Variants in STAM2 observed in about 807,000 individuals in gnomAD.
The protein encoded by STAM2 is signal transducing adapter molecule 2.
A neutral mutation model predicts 65.6 loss-of-function variants in STAM2; 51 were observed. The observed-to-expected ratio is 0.78, with a 90% confidence interval of 0.62 to 0.98. STAM2 has a LOEUF of 0.98. Among genes scored for constraint, STAM2 ranks in the 50% least tolerant of loss-of-function variants. STAM2 has a pLI of 0.00. For synonymous variants in STAM2, 198 were observed against 208.4 expected (o/e 0.95, Z 0.43); for missense variants, 584 against 617.8 (o/e 0.95, Z 0.58).
intron 1 of STAM2, among the ~76,000 whole-genome samples, chr2:152,171,164 A>G (rs1689892241): frequency 6.6e-6 from 1 of 152,214 alleles, no homozygotes; most frequent in Admixed American, 6.5e-5. Context: ...AGAAAGGAGG[A>G]AGAATGGGAT....
chr2:152,173,657 A>G (rs956719161), intron 1 of STAM2, among the ~76,000 whole-genome samples: 1 of 152,130 alleles, frequency 6.6e-6, no homozygotes, highest in Non-Finnish European at 1.5e-5. Context: ...TCGGCCTCCC[A>G]AAGTGCTGGG....
chr2:152,158,059 A>G (rs1689585197), intron 1 of STAM2, among the ~76,000 whole-genome samples: 2 of 152,250 alleles, frequency 1.3e-5, no homozygotes, highest in Non-Finnish European at 1.5e-5. Flanking sequence ...AGATTTGGCA[A>G]GAAAGAACTT....
intron 1 of STAM2, among the ~76,000 whole-genome samples, chr2:152,170,648 A>G (rs1166877059): frequency 1.3e-5 from 2 of 152,244 alleles, no homozygotes; most frequent in African/African-American, 4.8e-5. Flanking sequence ...TCACGCAGCC[A>G]TTAAAATTTA....
intron 5 of STAM2, among the ~76,000 whole-genome samples, chr2:152,146,194 C>T (rs998131660): frequency 6.7e-6 from 1 of 148,800 alleles, no homozygotes; most frequent in Non-Finnish European, 1.5e-5. Flanking sequence ...TTGCTTAAAC[C>T]CGGGAGACAG....
chr2:152,132,018 T>C (rs953690261), intron 11 of STAM2, 96 bp downstream of exon 11: 7 of 811,798 alleles, frequency 8.6e-6, no homozygotes, highest in Non-Finnish European at 1.4e-5. Context: ...CCATGAATTG[T>C]ACAGTTCCAC....
chr2:152,154,647 T>A (rs1280367971), intron 1 of STAM2, among the ~76,000 whole-genome samples: 2 of 150,226 alleles, frequency 1.3e-5, no homozygotes, highest in Non-Finnish European at 3.0e-5. Context: ...AAGGGCAGGC[T>A]CAGGGTGACA....
intron 1 of STAM2, among the ~76,000 whole-genome samples, chr2:152,151,011 T>A (rs777653085): frequency 8.6e-5 from 13 of 151,440 alleles, no homozygotes; most frequent in Non-Finnish European, 1.0e-4. Context: ...CTGTTTTCAA[T>A]AGCAAAAAGG....
At chr2:152,175,560 AG>A in intron 1 of STAM2, 42 bp downstream of exon 1, 4 of 1,612,802 alleles carry the variant, frequency 2.5e-6, no homozygotes, top group Non-Finnish European at 3.4e-6. Flanking sequence ...ACAGCAGTCC[AG>A]GGCCAGGCAC....
rs555618036 is a variant in STAM2, at chr2:152,167,072, A to G, written c.40+8531T>C. ...TATGAGGGAGACTGTACATAATAAA[A>G]TTTTTTAAATCCTTCATCATTTCCC... On this transcript the variant is annotated intron_variant, in intron 1 of 13. Transcript: ENST00000263904. Among the ~76,000 whole-genome samples, 7 of 152,202 alleles carry G rather than the reference A, an allele frequency of 4.6e-5. No homozygotes were observed. The South Asian group carries it at 1.4e-3, about 31-fold the overall frequency.
chr2:152,143,878 T>C lies in STAM2; in HGVS notation c.653A>G (p.Asp218Gly), dbSNP rs1689292276. The change falls in exon 7 of 14, where the codon GAC becomes GGC. Residue 218 changes from aspartate (D) to glycine (G), a missense_variant. Transcript: ENST00000263904. The stretch of plus-strand genomic sequence containing the variant: ...ACCATGTTTAAAGGTGAGTTCATTG[T>C]CCTCAACAGCTTCAAAATCATATAA... ...RALYDFEAVE[D>G]NELTFKHGEI... 6.2e-7 allele frequency: 1 copy of C among 1,613,548 alleles called. No individual in the cohort carries two copies. The highest frequency in any genetic ancestry group is 1.1e-5 in the South Asian group (1 of 91,002).
chr2:152,160,926 G>T (rs1256359677), intron 1 of STAM2, among the ~76,000 whole-genome samples: 2 of 151,226 alleles, frequency 1.3e-5, no homozygotes, highest in Non-Finnish European at 3.0e-5. Context: ...GGTGAGGGGC[G>T]CCTCTGCCCA....
rs774038475 is a variant in STAM2 at position 152,133,245 on chromosome 2, C to T, written c.898G>A (p.Ala300Thr). The change falls in exon 10 of 14, where the codon GCC (alanine) becomes ACC (threonine). Residue 300 changes from alanine to threonine, a missense_variant. Coordinates refer to ENST00000263904, the MANE Select transcript of STAM2 (RefSeq NM_005843.6). Reference protein sequence around the residue: ...VYIDEDKMDRALQVLQSIDPT... With the variant: ...VYIDEDKMDRTLQVLQSIDPT... ...TCTATACTCTGAAGTACCTGCAGGG[C>T]TCTATCCATCTTATCCTAAAAAAGT... is the stretch of plus-strand genomic sequence containing the variant. 4 of 1,609,300 alleles carry T rather than the reference C, an allele frequency of 2.5e-6. No homozygotes were observed. The African/African-American group carries it at 4.0e-5, about 16-fold the overall frequency.
intron 1 of STAM2, among the ~76,000 whole-genome samples, chr2:152,168,412 C>A (rs552065423): frequency 6.6e-6 from 1 of 152,278 alleles, no homozygotes; most frequent in African/African-American, 2.4e-5. Context: ...CCCACCTCGA[C>A]CTCCCAAAGT....
intron 1 of STAM2, among the ~76,000 whole-genome samples, chr2:152,169,895 C>T (rs777090753): frequency 5.3e-5 from 8 of 151,232 alleles, no homozygotes; most frequent in Non-Finnish European, 8.8e-5. Flanking sequence ...ACTCTGTTGC[C>T]CCAGCTGGAG....
intron 1 of STAM2, among the ~76,000 whole-genome samples, chr2:152,161,240 G>A (rs1222128155): frequency 1.3e-5 from 2 of 151,312 alleles, no homozygotes; most frequent in Non-Finnish European, 2.9e-5. Flanking sequence ...TGTCCACTCA[G>A]GGTTGAATGG....
intron 10 of STAM2, among the ~76,000 whole-genome samples, chr2:152,132,810 A>G (rs1431143152): frequency 6.6e-6 from 1 of 152,172 alleles, no homozygotes; most frequent in Admixed American, 6.5e-5. Context: ...AACAATTATC[A>G]TGTATAATTT....
At chr2:152,151,261 A>C (rs1689441060) in intron 1 of STAM2, among the ~76,000 whole-genome samples, 1 of 148,582 alleles carries the variant, frequency 6.7e-6, no homozygotes, top group Middle Eastern at 3.2e-3. Flanking sequence ...AGCTCACTGC[A>C]ACCTCCACCT....
At chr2:152,156,062 G>A (rs1689537620) in intron 1 of STAM2, among the ~76,000 whole-genome samples, 1 of 152,138 alleles carries the variant, frequency 6.6e-6, no homozygotes, top group Non-Finnish European at 1.5e-5. Context: ...AGTCCAGCTA[G>A]AACTCAACTT....
In STAM2 at chr2:152,126,833, A is replaced by G. The variant is rs532743112; in HGVS notation, c.1026-454T>C. On this transcript the variant is annotated intron_variant, in intron 11 of 13. Coordinates refer to ENST00000263904, the MANE Select transcript of STAM2 (RefSeq NM_005843.6). ...CAGCCTCTGAATGGTTGCTGTCCAC[A>G]ACCAATCAGACTGACTGTGGGCGGA... Among the ~76,000 whole-genome samples, 4 of 152,308 alleles carry G rather than the reference A, an allele frequency of 2.6e-5. No homozygotes were observed. In the East Asian group the frequency reaches 7.7e-4, roughly 29 times the overall value.
Sources: gnomAD v4.1 joint callset for allele counts (sites outside exome capture counted in the v4.1 genomes callset) on GRCh38, gnomAD v4.1.1 for gene constraint, MANE v1.5 for transcripts, NCBI Gene and HGNC (gene_info 2026-07-23, HGNC 2026-07-21) for gene names.